The following ONECUT3 variants were observed in gnomAD, a reference collection of about 807,000 sequenced individuals.
The protein encoded by ONECUT3 is one cut domain family member 3.
Under a neutral mutation model 16.8 loss-of-function variants are expected in ONECUT3, and 11 were observed. The ratio of observed to expected loss-of-function variants is 0.66; its 90% CI spans 0.41 to 1.09. The LOEUF is 1.09. Among genes scored for constraint, ONECUT3 ranks in the 50% least tolerant of loss-of-function variants. The pLI is 0.00. For synonymous variants in ONECUT3, 344 were observed against 310.7 expected (o/e 1.11, Z -1.13); for missense variants, 637 against 629.9 (o/e 1.01, Z -0.12).
At chr19:1,769,038 C>T (rs1184790242) in intron 1 of ONECUT3, among the ~76,000 whole-genome samples, 9 of 17,156 alleles carry the variant, frequency 5.2e-4, no homozygotes, top group Non-Finnish European at 6.2e-4. Flanking sequence ...GTGGAGGTGA[C>T]GGTGGAGGTG....
At chr19:1,774,842 C>A (rs1271323577) in intron 1 of ONECUT3, among the ~76,000 whole-genome samples, 1 of 151,360 alleles carries the variant, frequency 6.6e-6, no homozygotes, top group Non-Finnish European at 1.5e-5. Flanking sequence ...CCTGTCCTCG[C>A]CTTCCATTCT....
In ONECUT3 at chr19:1,777,031, AGAGAGAGAGG is replaced by A. The variant is rs145922111; in HGVS notation, c.*1603_*1612del. 57,274 of 150,222 alleles carry A rather than the reference AGAGAGAGAGG, an allele frequency of 0.38. 10,944 individuals carry two copies. Among genetic ancestry groups the A allele is most frequent in the Middle Eastern group, 0.44 (128 of 288 alleles). 9.3% of individuals were successfully genotyped at this position (150,222 alleles called of 1,614,324 possible). A position where few individuals can be genotyped will look rare whatever the true frequency, so the allele number is the denominator to read the frequency against. On this transcript the variant is annotated 3_prime_UTR_variant, in exon 2 of 2. Transcript: ENST00000382349. The stretch of plus-strand genomic sequence containing the variant: ...CCGAACCTGAGAGCGAAAGAGAGAG[AGAGAGAGAGG>A]GAGAGAGAGGGAGAGAAAGGGAGAG...
rs1483260003 is a variant in ONECUT3, at chr19:1,778,131, GCT to G, written c.*2689_*2690del. ...ATTTCTTTTTTAGAAACAGGGTTTTGCTCTGTTACCCAGGCTGGAGTGCAGTG... is the reference window on the plus strand; with the variant it reads ...ATTTCTTTTTTAGAAACAGGGTTTTGCTGTTACCCAGGCTGGAGTGCAGTG... On this transcript the variant is annotated 3_prime_UTR_variant, in exon 2 of 2. Coordinates refer to ENST00000382349, the MANE Select transcript of ONECUT3 (RefSeq NM_001080488.2). 6.6e-6 allele frequency: 1 copy of G among 151,492 alleles called. No homozygotes were observed. The highest frequency in any genetic ancestry group is 1.5e-5 in the Non-Finnish European group (1 of 67,964). 9.4% of individuals were successfully genotyped at this position (151,492 alleles called of 1,614,324 possible).
Position 1,754,882 on chromosome 19 carries a change from C to A in ONECUT3, c.1192+28C>A. 1 of 1,372,014 alleles carries A rather than the reference C, an allele frequency of 7.3e-7. No individual in the cohort carries two copies. The highest frequency in any genetic ancestry group is 9.5e-7 in the Non-Finnish European group (1 of 1,052,278). The allele number at this position is 1,372,014 out of a possible 1,614,324, so 85.0% of individuals were successfully genotyped here. ...AGGAGCGTGGCGCGCAGGGCCAGAC[C>A]CTGGGGGCGCCGGCTCTGGACTCCC... On this transcript the variant is annotated intron_variant, in intron 1 of 1. Transcript: ENST00000382349. This position sits in a 1 kb window ranked among gnomAD's most constrained non-coding sequence, Gnocchi z 7.4.
chr19:1,769,978 C>T (rs963103106), intron 1 of ONECUT3, among the ~76,000 whole-genome samples: 2 of 152,150 alleles, frequency 1.3e-5, no homozygotes, highest in African/African-American at 4.8e-5. Flanking sequence ...CCTCCCTCCC[C>T]CATCTAGGCC....
rs1360018435 is a variant in ONECUT3 at position 1,753,898 on chromosome 19, A to C, written c.236A>C (p.Asp79Ala). Residue 79 changes from aspartate to alanine, a missense_variant, in exon 1 of 2, where the codon GAC becomes GCC. Asp to Ala is a moderately radical substitution (Grantham distance 126). Around this residue, in one of 3 missense-constraint regions of ONECUT3, gnomAD observed 419 missense variants for 377.9 expected, o/e 1.11. Coordinates refer to ENST00000382349, the MANE Select transcript of ONECUT3 (RefSeq NM_001080488.2). ...GCGGGCAGCGCGGGCGGCGGCGCGGACTTCCGCGGGGAACTGGCGGGCCCG... is the reference window on the plus strand; with the variant it reads ...GCGGGCAGCGCGGGCGGCGGCGCGGCCTTCCGCGGGGAACTGGCGGGCCCG... ...GGAGSAGGGA[D>A]FRGELAGPLH... 1.0e-6 allele frequency: 1 copy of C among 980,772 alleles called. No individual in the cohort carries two copies. Among genetic ancestry groups the C allele is most frequent in the African/African-American group, 1.8e-5 (1 of 56,004 alleles). The allele number at this position is 980,772 out of a possible 1,614,324, so 60.8% of individuals were successfully genotyped here. A position where few individuals can be genotyped will look rare whatever the true frequency, so the allele number is the denominator to read the frequency against.
intron 1 of ONECUT3, among the ~76,000 whole-genome samples, chr19:1,763,814 T>A (rs1265356951): frequency 2.0e-5 from 3 of 150,222 alleles, no homozygotes; most frequent in Non-Finnish European, 4.4e-5. Flanking sequence ...GAAGCGCGCA[T>A]CCTGGTCATT....
rs1240338730 is a variant in ONECUT3, at chr19:1,764,800, G to GC, written c.1192+9946_1192+9947insC. On this transcript the variant is annotated intron_variant, in intron 1 of 1. Transcript: ENST00000382349. This position sits in a 1 kb window ranked among gnomAD's most constrained non-coding sequence, Gnocchi z 5.0. ...CTGACTCGAGTCTGGAGAGGCCACGGGGGGGGGATGCGCAGGGGGGACAAG... is the reference window on the plus strand; with the variant it reads ...CTGACTCGAGTCTGGAGAGGCCACGGCGGGGGGGATGCGCAGGGGGGACAAG... Among the ~76,000 whole-genome samples, 4 of 144,358 alleles carry GC rather than the reference G, an allele frequency of 2.8e-5. No homozygotes were observed. Among genetic ancestry groups the GC allele is most frequent in the Admixed American group, 6.8e-5 (1 of 14,800 alleles). 94.7% of individuals were successfully genotyped at this position (144,358 alleles called of 152,430 possible).
Position 1,758,554 on chromosome 19 carries a change from T to A in ONECUT3, c.1192+3700T>A, listed in dbSNP as rs2145957834. Among the ~76,000 whole-genome samples, 1 of 152,270 alleles carries A rather than the reference T, an allele frequency of 6.6e-6. No individual in the cohort carries two copies. Among genetic ancestry groups the A allele is most frequent in the South Asian group, 2.1e-4 (1 of 4,828 alleles). On this transcript the variant is annotated intron_variant, in intron 1 of 1. Coordinates refer to ENST00000382349, the MANE Select transcript of ONECUT3 (RefSeq NM_001080488.2). This position sits in a 1 kb window ranked among gnomAD's most constrained non-coding sequence, Gnocchi z 5.9. ...CCTCAGTTTACCCATCTGTAAAATG[T>A]GCGTGTGGTGGGCCGAATTCTGGGT...
At chr19:1,756,631 G>A (rs1408567536) in intron 1 of ONECUT3, among the ~76,000 whole-genome samples, 1 of 151,298 alleles carries the variant, frequency 6.6e-6, no homozygotes, top group African/African-American at 2.4e-5. Flanking sequence ...CCAGGTTCAA[G>A]CGATTCTTCC....
At position 1,780,542 on chromosome 19, in the gene ONECUT3, G is replaced by C. The variant is rs572322702; in HGVS notation, c.*5097G>C. The C allele has an allele frequency of 1.3e-5, 2 of 152,374 alleles. No individual in the cohort carries two copies. Among genetic ancestry groups the C allele is most frequent in the Admixed American group, 1.3e-4 (2 of 15,302 alleles). The allele number at this position is 152,374 out of a possible 1,614,324, so 9.4% of individuals were successfully genotyped here. The stretch of plus-strand genomic sequence containing the variant: ...GGCCCCAGTAGGGGGGGGCGGGGTA[G>C]CTAAACGGGGTGCTTCTCACCCCAT... On this transcript the variant is annotated 3_prime_UTR_variant, in exon 2 of 2. Coordinates refer to ENST00000382349, the MANE Select transcript of ONECUT3 (RefSeq NM_001080488.2).
chr19:1,753,603 G>A lies in ONECUT3; in HGVS notation c.-60G>A. 1 of 607,584 alleles carries A rather than the reference G, an allele frequency of 1.6e-6. No individual in the cohort carries two copies. The highest frequency in any genetic ancestry group is 9.6e-5 in the East Asian group (1 of 10,426). 37.6% of individuals were successfully genotyped at this position (607,584 alleles called of 1,614,324 possible). A position where few individuals can be genotyped will look rare whatever the true frequency, so the allele number is the denominator to read the frequency against. ...CCGGGGAGCGGGCGGGAGTCATGCA[G>A]CGGCCTTGAGCACTAGGGGCCGGCG... is the stretch of plus-strand genomic sequence containing the variant. On this transcript the variant is annotated 5_prime_UTR_variant, in exon 1 of 2. Transcript: ENST00000382349.
At position 1,753,736 on chromosome 19, in the gene ONECUT3, C is replaced by G. The variant is rs1302854088; in HGVS notation, c.74C>G (p.Pro25Arg). ...AHAQAGELLS[P>R]GHARSAAAQH... ...GCGCAGGCGGGCGAGCTGCTGAGCC[C>G]GGGCCACGCGCGCTCGGCGGCGGCG... The change falls in exon 1 of 2, where the codon CCG becomes CGG. Residue 25 changes from proline (P) to arginine (R), a missense_variant. By Grantham distance (103) the Pro-to-Arg change is moderately radical (BLOSUM62 -2). This residue lies in a region of ONECUT3 where 419 missense variants were observed against 377.9 expected (regional missense o/e 1.11). Coordinates refer to ENST00000382349, the MANE Select transcript of ONECUT3 (RefSeq NM_001080488.2). 2 of 1,025,542 alleles carry G rather than the reference C, an allele frequency of 2.0e-6. No homozygotes were observed. Among genetic ancestry groups the G allele is most frequent in the Admixed American group, 1.2e-4 (2 of 17,182 alleles). 63.5% of individuals were successfully genotyped at this position (1,025,542 alleles called of 1,614,324 possible). A position where few individuals can be genotyped will look rare whatever the true frequency, so the allele number is the denominator to read the frequency against.
chr19:1,774,161 T>C (rs2068083016), intron 1 of ONECUT3, among the ~76,000 whole-genome samples: 1 of 152,042 alleles, frequency 6.6e-6, no homozygotes, highest in Admixed American at 6.5e-5. Flanking sequence ...GTCTGGGTGG[T>C]CTCAGCCTGT....
In ONECUT3 at chr19:1,758,847, C is replaced by T. The variant is rs1186241218; in HGVS notation, c.1192+3993C>T. On this transcript the variant is annotated intron_variant, in intron 1 of 1. Transcript: ENST00000382349. This position sits in a 1 kb window ranked among gnomAD's most constrained non-coding sequence, Gnocchi z 5.9. The stretch of plus-strand genomic sequence containing the variant: ...ACCGTCTCTAATTCATCACCGTCGC[C>T]GGGTCGATAGCTTCGGCCGTCTTCA... Among the ~76,000 whole-genome samples, 2 of 152,166 alleles carry T rather than the reference C, an allele frequency of 1.3e-5. No homozygotes were observed. The highest frequency in any genetic ancestry group is 4.8e-5 in the African/African-American group (2 of 41,434).
chr19:1,755,194 CGT>C lies in ONECUT3; in HGVS notation c.1192+352_1192+353del, dbSNP rs1226052156. ...CTCAGGGAAGCTCATTGTGTGTGTG[CGT>C]GTGTGTGTGTGAGCGCGCGCCTGTT... On this transcript the variant is annotated intron_variant, in intron 1 of 1. Coordinates refer to ENST00000382349, the MANE Select transcript of ONECUT3 (RefSeq NM_001080488.2). This position sits in a 1 kb window ranked among gnomAD's most constrained non-coding sequence, Gnocchi z 7.5. Among the ~76,000 whole-genome samples the C allele has an allele frequency of 4.0e-5, 6 of 151,594 alleles. No individual in the cohort carries two copies. Among genetic ancestry groups the C allele is most frequent in the African/African-American group, 1.4e-4 (6 of 41,380 alleles).
chr19:1,779,426 A>AGAGAGG lies in ONECUT3; in HGVS notation c.*3987_*3992dup, dbSNP rs1184190675. On this transcript the variant is annotated 3_prime_UTR_variant, in exon 2 of 2. Transcript: ENST00000382349. ...GAGAGAGAGCGAGCGCAAGAGAGAG[A>AGAGAGG]GAGAGGGAGAGAGAGGGAGAGGGAG... 1.1e-4 allele frequency: 16 copies of AGAGAGG among 151,878 alleles called. No individual in the cohort carries two copies. The highest frequency in any genetic ancestry group is 3.9e-4 in the African/African-American group (16 of 41,326). The allele number at this position is 151,878 out of a possible 1,614,324, so 9.4% of individuals were successfully genotyped here.
chr19:1,754,507 G>A lies in ONECUT3; in HGVS notation c.845G>A (p.Gly282Glu), dbSNP rs2067906262. ...SGGAGSGSAA[G>E]LLAPLGGLAA... Reference sequence around the variant, plus strand: ...GGAGCGGGCAGCGGGAGCGCCGCGGGGCTGCTGGCGCCGCTGGGCGGGCTG... The same window carrying A: ...GGAGCGGGCAGCGGGAGCGCCGCGGAGCTGCTGGCGCCGCTGGGCGGGCTG... Residue 282 changes from glycine to glutamate, a missense_variant, in exon 1 of 2, where the codon GGG becomes GAG. Transcript: ENST00000382349. The surrounding 1 kb of genome is among the most constrained non-coding windows in gnomAD (Gnocchi z 7.4). 1.2e-4 allele frequency: 113 copies of A among 980,040 alleles called. No homozygotes were observed. The highest frequency in any genetic ancestry group is 5.2e-4 in the Middle Eastern group (1 of 1,932). The allele number at this position is 980,040 out of a possible 1,614,324, so 60.7% of individuals were successfully genotyped here. A position where few individuals can be genotyped will look rare whatever the true frequency, so the allele number is the denominator to read the frequency against.
At chr19:1,773,479 C>T (rs1342968282) in intron 1 of ONECUT3, among the ~76,000 whole-genome samples, 1 of 152,174 alleles carries the variant, frequency 6.6e-6, no homozygotes. Context: ...GCAGAAGGAA[C>T]ATTCATTTAT....
Sources: gnomAD v4.1 joint callset for allele counts (sites outside exome capture counted in the v4.1 genomes callset) on GRCh38, gnomAD v4.1.1 for gene constraint, gnomAD v4.1.1 regional missense constraint, Gnocchi (gnomAD v3.1) non-coding constraint, MANE v1.5 for transcripts, NCBI Gene and HGNC (gene_info 2026-07-23, HGNC 2026-07-21) for gene names.